UTRN: variants seen among roughly 807,000 people sequenced by gnomAD.
UTRN encodes the protein utrophin, also known as dystrophin-related protein 1.
In UTRN, 283 loss-of-function variants were observed where a neutral mutation model predicts 463.9. That is an observed-to-expected ratio of 0.61 (90% CI 0.55 to 0.67). The LOEUF is 0.67. Ranked by LOEUF, UTRN falls within the 30% of genes least tolerant of loss-of-function variation. The pLI is 0.00. For missense variants in UTRN, 3,922 were observed against 4,084.3 expected, an observed-to-expected ratio of 0.96 and a Z score of 1.08; for synonymous variants, 1,442 against 1,431.5, an observed-to-expected ratio of 1.01 and a Z score of -0.17.
At chr6:144,318,320 AG>A (rs1231363014) in intron 2 of UTRN, among the ~76,000 whole-genome samples, 1 of 151,990 alleles carries the variant, frequency 6.6e-6, no homozygotes, top group Non-Finnish European at 1.5e-5. Context: ...TCTGAGATGG[AG>A]TCTCATTCTC....
intron 2 of UTRN, among the ~76,000 whole-genome samples, chr6:144,328,659 T>C (rs1776132826): frequency 6.6e-6 from 1 of 152,210 alleles, no homozygotes; most frequent in Non-Finnish European, 1.5e-5. Context: ...CAAAATATAA[T>C]TGTTTCTTGG....
intron 34 of UTRN, 103 bp downstream of exon 34, chr6:144,499,530 C>A: frequency 1.1e-6 from 1 of 926,428 alleles, no homozygotes; most frequent in Non-Finnish European, 1.5e-6. Flanking sequence ...TATATTAAAT[C>A]TAGCCTTTTC....
At chr6:144,403,496 G>T (rs1783107862) in intron 3 of UTRN, among the ~76,000 whole-genome samples, 1 of 152,090 alleles carries the variant, frequency 6.6e-6, no homozygotes, top group African/African-American at 2.4e-5. Flanking sequence ...GAAAATTTTT[G>T]AGTTCTCTTG....
At chr6:144,762,468 T>A (rs1438787728) in intron 58 of UTRN, among the ~76,000 whole-genome samples, 1 of 152,244 alleles carries the variant, frequency 6.6e-6, no homozygotes, top group East Asian at 1.9e-4. Context: ...AGTCCAGCTG[T>A]CCAAGGACAA....
intron 53 of UTRN, among the ~76,000 whole-genome samples, chr6:144,712,557 A>G (rs1014443200): frequency 6.6e-6 from 1 of 152,154 alleles, no homozygotes; most frequent in Non-Finnish European, 1.5e-5. Flanking sequence ...TCATATATTC[A>G]CTCAGGTTGA....
rs764732427 is a variant in UTRN at position 144,487,693 on chromosome 6, A to G, written c.3968A>G (p.His1323Arg). ...AFNSRYEDLS[H>R]LAESKQISLE... ...AACAGCCGATATGAAGATCTAAGTC[A>G]CCTGGTAAGAGTTGGGACATACATG... Residue 1323 changes from histidine (H) to arginine (R), a missense_variant, in exon 29 of 75, where the codon CAC becomes CGC. Around this residue, in one of 3 missense-constraint regions of UTRN, gnomAD observed 2,349 missense variants for 2,303.8 expected, o/e 1.02. Coordinates refer to ENST00000367545, the MANE Select transcript of UTRN (RefSeq NM_007124.3). 1.9e-6 allele frequency: 3 copies of G among 1,611,460 alleles called. No homozygotes were observed. Among genetic ancestry groups the G allele is most frequent in the Non-Finnish European group, 2.5e-6 (3 of 1,178,554 alleles).
chr6:144,353,862 C>A (rs1050990552), intron 2 of UTRN, among the ~76,000 whole-genome samples: 2 of 140,566 alleles, frequency 1.4e-5, no homozygotes, highest in Non-Finnish European at 2.9e-5. Context: ...CAAACAAACA[C>A]ACACAAAAAC....
chr6:144,694,454 A>G (rs972816936), intron 52 of UTRN, among the ~76,000 whole-genome samples: 2 of 152,078 alleles, frequency 1.3e-5, no homozygotes, highest in Non-Finnish European at 2.9e-5. Flanking sequence ...GAACAGTTTC[A>G]TTAGGAATGG....
At chr6:144,513,814 C>T in intron 35 of UTRN, 95 bp from the exon 36 acceptor site, 1 of 1,366,554 alleles carries the variant, frequency 7.3e-7, no homozygotes, top group South Asian at 1.5e-5. Flanking sequence ...ATTCATGGTA[C>T]AGTTTGCTCT....
chr6:144,418,745 G>T (rs1784577442), intron 3 of UTRN, among the ~76,000 whole-genome samples: 1 of 151,724 alleles, frequency 6.6e-6, no homozygotes, highest in Non-Finnish European at 1.5e-5. Flanking sequence ...GTAGAGATGG[G>T]GTTTTGCCAC....
intron 71 of UTRN, 196 bp downstream of exon 71, chr6:144,836,737 GC>G: frequency 1.2e-6 from 1 of 817,224 alleles, no homozygotes; most frequent in Non-Finnish European, 1.8e-6. Context: ...AAATGTGTTT[GC>G]CCAGCTTACA....
chr6:144,816,388 G>A (rs1779079102), intron 65 of UTRN, among the ~76,000 whole-genome samples: 2 of 152,270 alleles, frequency 1.3e-5, no homozygotes, highest in South Asian at 4.2e-4. Context: ...GGTAATAATG[G>A]AGAGGGGAAG....
At chr6:144,341,058 T>C (rs1328579638) in intron 2 of UTRN, among the ~76,000 whole-genome samples, 1 of 152,252 alleles carries the variant, frequency 6.6e-6, no homozygotes, top group Non-Finnish European at 1.5e-5. Context: ...CTTAGCTTAA[T>C]ATGAATGTTT....
At chr6:144,432,411 T>C (rs1012429181) in intron 9 of UTRN, among the ~76,000 whole-genome samples, 2 of 152,256 alleles carry the variant, frequency 1.3e-5, no homozygotes, top group African/African-American at 2.4e-5. Context: ...AGTATTTTTG[T>C]AAACTGTGTT....
At chr6:144,850,781 A>C (rs1409004200) in intron 74 of UTRN, among the ~76,000 whole-genome samples, 1 of 152,214 alleles carries the variant, frequency 6.6e-6, no homozygotes, top group Non-Finnish European at 1.5e-5. Context: ...AAAGACTTTC[A>C]GACTTCCCTC....
intron 50 of UTRN, among the ~76,000 whole-genome samples, chr6:144,560,566 A>G (rs1289277278): frequency 6.6e-6 from 1 of 152,102 alleles, no homozygotes; most frequent in Non-Finnish European, 1.5e-5. Context: ...GGAGGGGTGA[A>G]GGGTTGTTAT....
At chr6:144,627,546 A>T (rs372279793) in intron 51 of UTRN, among the ~76,000 whole-genome samples, 10 of 152,146 alleles carry the variant, frequency 6.6e-5, no homozygotes, top group East Asian at 3.8e-4. Flanking sequence ...TATCACCATT[A>T]GCCATCTCTG....
intron 2 of UTRN, among the ~76,000 whole-genome samples, chr6:144,355,235 A>G (rs1417352338): frequency 1.3e-5 from 2 of 152,120 alleles, no homozygotes; most frequent in African/African-American, 2.4e-5. Context: ...TTTTTGAGAC[A>G]GAGTCTCTGT....
intron 2 of UTRN, among the ~76,000 whole-genome samples, chr6:144,349,877 A>T (rs756188931): frequency 1.3e-5 from 2 of 152,200 alleles, no homozygotes; most frequent in Non-Finnish European, 2.9e-5. Flanking sequence ...TAGGATCTGG[A>T]CACAGCGACT....
Sources: allele counts gnomAD v4.1 joint callset (sites outside exome capture counted in the v4.1 genomes callset), GRCh38; gene constraint gnomAD v4.1.1; regional missense constraint gnomAD v4.1.1; transcripts MANE v1.5; gene names NCBI Gene and HGNC (gene_info 2026-07-23, HGNC 2026-07-21).